The following ADGRV1 variants were observed in gnomAD, a reference collection of about 807,000 sequenced individuals.
The protein encoded by ADGRV1 is G-protein coupled receptor 98.
Under a neutral mutation model 596.2 loss-of-function variants are expected in ADGRV1, and 359 were observed. That is an observed-to-expected ratio of 0.60 (90% CI 0.55 to 0.66). The LOEUF (loss-of-function observed/expected upper bound fraction) is 0.66, where lower values mean the gene tolerates loss of function less well. ADGRV1 is among the 30% of genes least tolerant of loss of function. The probability of loss-of-function intolerance (pLI) is 0.00; values close to 1 mark genes in which losing one functional copy is unlikely to be tolerated. For synonymous variants in ADGRV1, 2,681 were observed against 2,679.2 expected (o/e 1.00, Z -0.02); for missense variants, 7,274 against 7,575.6 (o/e 0.96, Z 1.48).
At chr5:90,880,776 G>A (rs1488325165) in intron 83 of ADGRV1, among the ~76,000 whole-genome samples, 2 of 152,148 alleles carry the variant, frequency 1.3e-5, no homozygotes, top group African/African-American at 4.8e-5. Context: ...ATTCCAATAT[G>A]TCAGCTTTCT....
At chr5:90,934,739 T>G (rs1414581601) in intron 83 of ADGRV1, among the ~76,000 whole-genome samples, 2 of 152,170 alleles carry the variant, frequency 1.3e-5, no homozygotes, top group African/African-American at 4.8e-5. Flanking sequence ...CAACAGAAAT[T>G]TATTTCTCGC....
In ADGRV1 at chr5:90,911,809, T is replaced by G. The variant is rs1010872080; in HGVS notation, c.17856+47952T>G. On this transcript the variant is annotated intron_variant, in intron 83 of 89. Coordinates refer to ENST00000405460, the MANE Select transcript of ADGRV1 (RefSeq NM_032119.4). Reference sequence around the variant, plus strand: ...GAATCAGAAACAATGTCATAGACTTTTCTTTTTTTTGTCTTCCCAGGAAGT... The same window carrying G: ...GAATCAGAAACAATGTCATAGACTTGTCTTTTTTTTGTCTTCCCAGGAAGT... 2.0e-5 allele frequency among the ~76,000 whole-genome samples: 3 copies of G among 152,136 alleles called. No homozygotes were observed. The South Asian group carries it at 6.2e-4, about 31-fold the overall frequency.
intron 1 of ADGRV1, among the ~76,000 whole-genome samples, chr5:90,595,204 G>GC (rs1472541956): frequency 3.2e-5 from 2 of 61,878 alleles, no homozygotes; most frequent in East Asian, 9.5e-4. Context: ...GGCTGGCCGG[G>GC]CGGGGGGCTG....
intron 9 of ADGRV1, among the ~76,000 whole-genome samples, chr5:90,631,169 G>T (rs900928970): frequency 6.6e-6 from 1 of 152,136 alleles, no homozygotes; most frequent in Non-Finnish European, 1.5e-5. Context: ...AGCTTCTAGA[G>T]TTGCAGATGA....
At chr5:91,045,514 A>C (rs906838694) in intron 85 of ADGRV1, among the ~76,000 whole-genome samples, 1 of 152,174 alleles carries the variant, frequency 6.6e-6, no homozygotes, top group Non-Finnish European at 1.5e-5. Context: ...ACTCTCAGCA[A>C]AATTGGCATA....
chr5:90,821,235 C>A (rs1332286759), intron 75 of ADGRV1, among the ~76,000 whole-genome samples: 1 of 150,262 alleles, frequency 6.7e-6, no homozygotes, highest in African/African-American at 2.4e-5. Flanking sequence ...GCATTCTTCA[C>A]GTAGTTCTCG....
chr5:91,094,181 C>T (rs915565696), intron 86 of ADGRV1, among the ~76,000 whole-genome samples: 1 of 151,870 alleles, frequency 6.6e-6, no homozygotes, highest in Admixed American at 6.6e-5. Flanking sequence ...TTCTCTGGGC[C>T]GGGCACAGTG....
chr5:90,928,246 C>A (rs1042664088), intron 83 of ADGRV1, among the ~76,000 whole-genome samples: 4 of 152,130 alleles, frequency 2.6e-5, no homozygotes, highest in Non-Finnish European at 5.9e-5. Flanking sequence ...TGGTTCCATT[C>A]TCCCCATCAC....
chr5:90,847,467 G>C (rs775424854), intron 78 of ADGRV1, among the ~76,000 whole-genome samples: 2 of 152,210 alleles, frequency 1.3e-5, no homozygotes, highest in African/African-American at 4.8e-5. Flanking sequence ...AGTGGATCCC[G>C]CACCAGGGCT....
intron 59 of ADGRV1, among the ~76,000 whole-genome samples, chr5:90,766,830 A>T (rs976827880): frequency 7.9e-5 from 12 of 151,984 alleles, no homozygotes; most frequent in Admixed American, 4.6e-4. Context: ...CAACCAACCC[A>T]CTGTAGGATG....
intron 83 of ADGRV1, among the ~76,000 whole-genome samples, chr5:90,947,657 G>A (rs2150891768): frequency 6.6e-6 from 1 of 152,104 alleles, no homozygotes; most frequent in South Asian, 2.1e-4. Flanking sequence ...TTTAAGGGAG[G>A]TAGGAGGAAG....
At chr5:90,950,028 GA>G (rs1043651956) in intron 83 of ADGRV1, among the ~76,000 whole-genome samples, 1 of 152,132 alleles carries the variant, frequency 6.6e-6, no homozygotes, top group Non-Finnish European at 1.5e-5. Context: ...CTTAACAATT[GA>G]ATGTTTCTGA....
Position 91,071,381 on chromosome 5 carries a change from G to A in ADGRV1, c.18153-1066G>A, listed in dbSNP as rs372770610. On this transcript the variant is annotated intron_variant, in intron 85 of 89. Coordinates refer to ENST00000405460, the MANE Select transcript of ADGRV1 (RefSeq NM_032119.4). ...GAGGAAGGAAATAGAAAGGAACCTG[G>A]TACTCTCCCTGGAATCCACCAACTA... Among the ~76,000 whole-genome samples the A allele has an allele frequency of 2.0e-5, 3 of 152,228 alleles. No homozygotes were observed. In the East Asian group the frequency reaches 5.8e-4, roughly 29 times the overall value.
At chr5:90,779,268 G>C (rs1758594779) in intron 64 of ADGRV1, 171 bp downstream of exon 64, 2 of 364,306 alleles carry the variant, frequency 5.5e-6, no homozygotes, top group South Asian at 1.6e-4. Flanking sequence ...CAATGACTGA[G>C]TTTTTTTTTT....
chr5:90,627,088 C>T, intron 6 of ADGRV1, 123 bp from the exon 7 acceptor site: 5 of 525,772 alleles, frequency 9.5e-6, no homozygotes, highest in Middle Eastern at 5.0e-4. Context: ...CTATTTGCTC[C>T]CTCAGTTAAA....
intron 83 of ADGRV1, among the ~76,000 whole-genome samples, chr5:90,956,938 A>T (rs1777534117): frequency 6.6e-6 from 1 of 152,180 alleles, no homozygotes; most frequent in Admixed American, 6.6e-5. Context: ...TTTAGTATTG[A>T]CAGAATATTC....
In ADGRV1 at chr5:90,992,754, C is replaced by G. The variant is rs138367513; in HGVS notation, c.18152+7232C>G. On this transcript the variant is annotated intron_variant, in intron 85 of 89. Coordinates refer to ENST00000405460, the MANE Select transcript of ADGRV1 (RefSeq NM_032119.4). ...ATGATACTCCTTTAAATATTTCTCC[C>G]AGTTCTTTTTTCCAAGCTAAACATT... Among the ~76,000 whole-genome samples, 186 of 152,290 alleles carry G rather than the reference C, an allele frequency of 1.2e-3. No homozygotes were observed. The East Asian group carries it at 0.021, about 17-fold the overall frequency.
At chr5:90,728,445 G>A (rs1035283835) in intron 48 of ADGRV1, among the ~76,000 whole-genome samples, 1 of 152,142 alleles carries the variant, frequency 6.6e-6, no homozygotes, top group African/African-American at 2.4e-5. Context: ...CTCTGTGTGT[G>A]TGTATGTGTA....
chr5:90,824,435 G>C (rs146905103), intron 76 of ADGRV1, among the ~76,000 whole-genome samples: 2 of 152,196 alleles, frequency 1.3e-5, no homozygotes, highest in Admixed American at 1.3e-4. Context: ...GTTGATGCAG[G>C]CAAATGTGTT....
Sources: allele counts gnomAD v4.1 joint callset (sites outside exome capture counted in the v4.1 genomes callset), GRCh38; gene constraint gnomAD v4.1.1; transcripts MANE v1.5; gene names NCBI Gene and HGNC (gene_info 2026-07-23, HGNC 2026-07-21).